The following THOC5 variants were observed in gnomAD, a reference collection of about 807,000 sequenced individuals.
THOC5 encodes the protein THO complex subunit 5.
Under a neutral mutation model 92.9 loss-of-function variants are expected in THOC5, and 43 were observed. The ratio of observed to expected loss-of-function variants is 0.46; its 90% CI spans 0.36 to 0.60. The LOEUF is 0.60. Ranked by LOEUF, THOC5 falls within the 20% of genes least tolerant of loss-of-function variation. The pLI is 0.00. For missense variants in THOC5, 659 were observed against 849.4 expected, an observed-to-expected ratio of 0.78 and a Z score of 2.79; for synonymous variants, 296 against 320.1, an observed-to-expected ratio of 0.92 and a Z score of 0.80.
At chr22:29,546,281 G>T (rs542129610) in intron 2 of THOC5, among the ~76,000 whole-genome samples, 4 of 152,176 alleles carry the variant, frequency 2.6e-5, no homozygotes, top group African/African-American at 7.2e-5. Flanking sequence ...AGGGGCTGCC[G>T]TGAGGTCTCT....
At chr22:29,521,398 C>A (rs1419200122) in intron 12 of THOC5, among the ~76,000 whole-genome samples, 1 of 152,198 alleles carries the variant, frequency 6.6e-6, no homozygotes. Flanking sequence ...TCTGATCAAA[C>A]AGACTAGTAC....
At chr22:29,542,285 C>A (rs1215829483) in intron 5 of THOC5, among the ~76,000 whole-genome samples, 2 of 152,140 alleles carry the variant, frequency 1.3e-5, no homozygotes, top group Admixed American at 6.5e-5. Context: ...AATGTAAAGA[C>A]CCCTGATAGG....
chr22:29,551,553 C>T (rs1314687796), intron 1 of THOC5, among the ~76,000 whole-genome samples: 1 of 152,050 alleles, frequency 6.6e-6, no homozygotes, highest in African/African-American at 2.4e-5. Context: ...CGTTCAAGAC[C>T]AGAGTGGGCA....
rs568624824 is a variant in THOC5 at position 29,516,211 on chromosome 22, G to A, written c.1681+818C>T. On this transcript the variant is annotated intron_variant, in intron 17 of 19. Coordinates refer to ENST00000490103, the MANE Select transcript of THOC5 (RefSeq NM_003678.5). ...AAAGCAAATGCATAAAATCCAAATA[G>A]TGGTCACTTATTAGGAGAAAGGGAA... 1.4e-4 allele frequency among the ~76,000 whole-genome samples: 21 copies of A among 151,242 alleles called. No individual in the cohort carries two copies. The South Asian group carries it at 4.0e-3, about 29-fold the overall frequency.
intron 11 of THOC5, among the ~76,000 whole-genome samples, chr22:29,526,405 A>G (rs989139831): frequency 1.3e-4 from 19 of 151,924 alleles, no homozygotes; most frequent in South Asian, 4.2e-4. Flanking sequence ...GGTGGCGGGC[A>G]CCTGTAGTCC....
intron 8 of THOC5, chr22:29,531,479 C>T (rs1305956822): frequency 1.9e-6 from 2 of 1,039,192 alleles, no homozygotes; most frequent in Non-Finnish European, 2.3e-6. Context: ...ACCAGGCACC[C>T]CCACCCTGAA....
Position 29,511,297 on chromosome 22 carries a change from CTG to C in THOC5, c.1798-3_1798-2del. 6.2e-7 allele frequency: 1 copy of C among 1,609,716 alleles called. No homozygotes were observed. Among genetic ancestry groups the C allele is most frequent in the Non-Finnish European group, 8.5e-7 (1 of 1,178,404 alleles). Reference sequence around the variant, plus strand: ...ACACATTGACTTCGCCCTCCATGGCCTGTGTGATAGGAAAGCCAGCATCTCAG... The same window carrying C: ...ACACATTGACTTCGCCCTCCATGGCCTGTGATAGGAAAGCCAGCATCTCAG... On this transcript the variant is annotated splice_acceptor_variant and splice_polypyrimidine_tract_variant and intron_variant, in intron 18 of 19. Transcript: ENST00000490103. LOFTEE classifies it high-confidence loss of function.
At chr22:29,534,569 C>G (rs1157155348) in intron 7 of THOC5, 5 of 148,420 alleles carry the variant, frequency 3.4e-5, no homozygotes, top group African/African-American at 1.2e-4. Context: ...TTTCTTGACT[C>G]GGGAAAGACT....
At chr22:29,549,466 A>T (rs778387769) in intron 1 of THOC5, among the ~76,000 whole-genome samples, 8 of 152,104 alleles carry the variant, frequency 5.3e-5, no homozygotes, top group South Asian at 2.1e-4. Flanking sequence ...CCTGCATTCA[A>T]GTGTTCACCC....
intron 15 of THOC5, among the ~76,000 whole-genome samples, chr22:29,517,625 C>G (rs2063359259): frequency 6.6e-6 from 1 of 152,228 alleles, no homozygotes; most frequent in Admixed American, 6.5e-5. Context: ...AAATGATAGC[C>G]TGCCAAAGAA....
chr22:29,530,504 A>G (rs965336125), intron 8 of THOC5, among the ~76,000 whole-genome samples: 1 of 152,132 alleles, frequency 6.6e-6, no homozygotes, highest in Non-Finnish European at 1.5e-5. Flanking sequence ...TGGGCAACAG[A>G]GCCAGACTCC....
At chr22:29,518,310 G>C (rs1180802884) in intron 15 of THOC5, among the ~76,000 whole-genome samples, 1 of 152,208 alleles carries the variant, frequency 6.6e-6, no homozygotes, top group Non-Finnish European at 1.5e-5. Context: ...TGTGATTACA[G>C]GCAAGAGCCA....
chr22:29,525,246 A>T (rs1304751597), intron 12 of THOC5, among the ~76,000 whole-genome samples: 6 of 152,210 alleles, frequency 3.9e-5, no homozygotes, highest in African/African-American at 1.4e-4. Flanking sequence ...ATGGTCCTCC[A>T]GTCTGGGCAA....
intron 1 of THOC5, among the ~76,000 whole-genome samples, chr22:29,550,267 G>A (rs1039300928): frequency 2.0e-5 from 3 of 152,062 alleles, no homozygotes; most frequent in Non-Finnish European, 4.4e-5. Context: ...CACATGACTA[G>A]TAGGCCAAAA....
Position 29,512,122 on chromosome 22 carries a change from C to T in THOC5, c.1696G>A (p.Ala566Thr), listed in dbSNP as rs779657865. The T allele has an allele frequency of 9.9e-6, 16 of 1,613,930 alleles. No homozygotes were observed. In the Admixed American group the frequency reaches 1.3e-4, roughly 13 times the overall value. Reference sequence around the variant, plus strand: ...GAGTAGCCAGGGTTCAACACCACAGCGGCCTGCAGTTTGGCTGGGAAGAGA... The same window carrying T: ...GAGTAGCCAGGGTTCAACACCACAGTGGCCTGCAGTTTGGCTGGGAAGAGA... ...IERGTAKLQA[A>T]VVLNPGYSSI... is the part of the protein sequence containing the mutation. The change falls in exon 18 of 20, where the codon GCT (alanine) becomes ACT (threonine). Residue 566 changes from alanine (A) to threonine (T), a missense_variant. Physicochemically the swap from Ala to Thr is moderately conservative, Grantham distance 58. Transcript: ENST00000490103.
chr22:29,518,690 G>A (rs140347543), intron 15 of THOC5, among the ~76,000 whole-genome samples: 12 of 152,288 alleles, frequency 7.9e-5, no homozygotes, highest in South Asian at 2.1e-4. Flanking sequence ...AATATGTGTC[G>A]AATGCACATC....
intron 16 of THOC5, 24 bp from the exon 17 acceptor site, chr22:29,517,140 A>T: frequency 6.2e-7 from 1 of 1,613,502 alleles, no homozygotes; most frequent in Non-Finnish European, 8.5e-7. Flanking sequence ...CACAGACAAG[A>T]GGTGAACTGC....
At position 29,525,950 on chromosome 22, in the gene THOC5, G is replaced by C. The variant is rs764716385; in HGVS notation, c.1067-4C>G. 14 of 1,605,276 alleles carry C rather than the reference G, an allele frequency of 8.7e-6. No homozygotes were observed. In the East Asian group the frequency reaches 2.5e-4, roughly 28 times the overall value. The stretch of plus-strand genomic sequence containing the variant: ...GTCAGGTGAAGCACACTGTCATCTG[G>C]AGGGGAGGAAGATGAGAGAATTTAT... On this transcript the variant is annotated splice_polypyrimidine_tract_variant and splice_region_variant and intron_variant, in intron 11 of 19. Transcript: ENST00000490103.
chr22:29,551,433 TCAA>T (rs1203827244), intron 1 of THOC5, among the ~76,000 whole-genome samples: 1 of 151,806 alleles, frequency 6.6e-6, no homozygotes, highest in Non-Finnish European at 1.5e-5. Context: ...AGATTCAGTC[TCAA>T]CAACAACAAA....
Sources: gnomAD v4.1 joint callset for allele counts (sites outside exome capture counted in the v4.1 genomes callset) on GRCh38, gnomAD v4.1.1 for gene constraint, MANE v1.5 for transcripts, NCBI Gene and HGNC (gene_info 2026-07-23, HGNC 2026-07-21) for gene names.